TMEM132C: variants seen among roughly 807,000 people sequenced by gnomAD.
TMEM132C encodes transmembrane protein 132C, also known as protein phosphatase 1, regulatory subunit 152.
Under a neutral mutation model 61.4 loss-of-function variants are expected in TMEM132C, and 29 were observed. The observed-to-expected ratio is 0.47, with a 90% confidence interval of 0.35 to 0.64. The LOEUF (loss-of-function observed/expected upper bound fraction) is 0.64, where lower values mean the gene tolerates loss of function less well. Among genes scored for constraint, TMEM132C ranks in the 30% least tolerant of loss-of-function variants. The pLI is 0.00. For synonymous variants in TMEM132C, 656 were observed against 633.1 expected, an observed-to-expected ratio of 1.04 and a Z score of -0.54; for missense variants, 1,408 against 1,476.9, an observed-to-expected ratio of 0.95 and a Z score of 0.76.
Position 128,693,378 on chromosome 12 carries a change from G to C in TMEM132C, c.1450-451G>C, listed in dbSNP as rs558151856. On this transcript the variant is annotated intron_variant, in intron 5 of 8. Transcript: ENST00000435159. ...CACCCAGATTTCAGCTACAGCTGCA[G>C]TTCTGTACAAGTTCAAGTTCACTTT... 1.2e-4 allele frequency among the ~76,000 whole-genome samples: 18 copies of C among 152,334 alleles called. No homozygotes were observed. The South Asian group carries it at 3.7e-3, about 32-fold the overall frequency.
chr12:128,647,038 G>C (rs1255338821), intron 4 of TMEM132C, among the ~76,000 whole-genome samples: 1 of 152,134 alleles, frequency 6.6e-6, no homozygotes, highest in Non-Finnish European at 1.5e-5. Context: ...TTGGATGTGA[G>C]TGTGTTTACT....
rs759624247 is a variant in TMEM132C, at chr12:128,521,317, A to ATGTG, written c.975-22639_975-22638insGTGT. Among the ~76,000 whole-genome samples the ATGTG allele has an allele frequency of 1.6e-3, 238 of 146,288 alleles. 2 individuals carry two copies. Among genetic ancestry groups the ATGTG allele is most frequent in the African/African-American group, 5.7e-3 (226 of 39,634 alleles). On this transcript the variant is annotated intron_variant, in intron 2 of 8. Coordinates refer to ENST00000435159, the MANE Select transcript of TMEM132C (RefSeq NM_001136103.3). ...CTTCTGTATATATGTGTATATATAT[A>ATGTG]TATGTGTGTGTGTGTGTGTGTGTGT...
chr12:128,410,979 G>A (rs7311208), intron 1 of TMEM132C, among the ~76,000 whole-genome samples: 1,621 of 152,220 alleles, frequency 0.011, 32 homozygotes, highest in African/African-American at 0.036. Context: ...TTTTTGATGA[G>A]TATAGGCCAA....
At chr12:128,624,875 T>C (rs554773870) in intron 4 of TMEM132C, among the ~76,000 whole-genome samples, 1 of 152,136 alleles carries the variant, frequency 6.6e-6, no homozygotes, top group Non-Finnish European at 1.5e-5. Flanking sequence ...AATCTGTCCA[T>C]AGAGCCCCGT....
chr12:128,562,088 C>T lies in TMEM132C; in HGVS notation c.1121+17985C>T, dbSNP rs185008269. 1.6e-3 allele frequency among the ~76,000 whole-genome samples: 240 copies of T among 152,268 alleles called. 1 individual carries two copies. Among genetic ancestry groups the T allele is most frequent in the Middle Eastern group, 3.4e-3 (1 of 294 alleles). ...GCGTCTACCTTCCCACCACCATCTA[C>T]CCCAAACTACAGCCTCCGCAAAACT... On this transcript the variant is annotated intron_variant, in intron 3 of 8. Coordinates refer to ENST00000435159, the MANE Select transcript of TMEM132C (RefSeq NM_001136103.3).
intron 2 of TMEM132C, among the ~76,000 whole-genome samples, chr12:128,514,489 A>T (rs991488633): frequency 2.0e-5 from 3 of 151,636 alleles, no homozygotes; most frequent in Non-Finnish European, 4.4e-5. Context: ...TCTGATGTTC[A>T]TATGTCTGGA....
At chr12:128,693,424 A>G (rs1468566925) in intron 5 of TMEM132C, among the ~76,000 whole-genome samples, 2 of 152,174 alleles carry the variant, frequency 1.3e-5, no homozygotes, top group East Asian at 1.9e-4. Context: ...TCTCACCTCA[A>G]TCTGCTTTCT....
At chr12:128,376,935 A>G (rs899583290) in intron 1 of TMEM132C, among the ~76,000 whole-genome samples, 1 of 152,194 alleles carries the variant, frequency 6.6e-6, no homozygotes, top group Non-Finnish European at 1.5e-5. Context: ...GACTGCTGAC[A>G]TCCAGCTCTG....
chr12:128,458,069 T>TA (rs1870404343), intron 2 of TMEM132C, among the ~76,000 whole-genome samples: 1 of 151,876 alleles, frequency 6.6e-6, no homozygotes, highest in African/African-American at 2.4e-5. Context: ...AGCCTAGCAG[T>TA]GAACCCCATT....
intron 2 of TMEM132C, among the ~76,000 whole-genome samples, chr12:128,443,856 T>C (rs1021782007): frequency 1.1e-4 from 16 of 152,222 alleles, no homozygotes; most frequent in South Asian, 2.1e-4. Context: ...AGTGGGCTTC[T>C]TCCTGCCATT....
rs543778823 is a variant in TMEM132C, at chr12:128,622,807, G to C, written c.1305+6472G>C. ...TTTCAAGAGACAATGGAAAAATAAT[G>C]TTTTATTGTTTTTCAAAAACATCTC... On this transcript the variant is annotated intron_variant, in intron 4 of 8. Transcript: ENST00000435159. Among the ~76,000 whole-genome samples the C allele has an allele frequency of 1.1e-4, 16 of 152,194 alleles. No individual in the cohort carries two copies. The East Asian group carries it at 3.1e-3, about 29-fold the overall frequency.
intron 5 of TMEM132C, among the ~76,000 whole-genome samples, chr12:128,677,916 C>T (rs1418734533): frequency 6.6e-6 from 1 of 152,236 alleles, no homozygotes; most frequent in East Asian, 1.9e-4. Context: ...CCTGCGTTAG[C>T]TCCGGCACAT....
chr12:128,413,714 C>A (rs1051728132), intron 1 of TMEM132C, among the ~76,000 whole-genome samples: 5 of 151,836 alleles, frequency 3.3e-5, no homozygotes, highest in African/African-American at 9.7e-5. Context: ...TTTTAAAAAT[C>A]TTTTTCCTCA....
chr12:128,541,027 G>GTCTCTCTC lies in TMEM132C; in HGVS notation c.975-2918_975-2911dup, dbSNP rs71449354. 6.5e-3 allele frequency among the ~76,000 whole-genome samples: 966 copies of GTCTCTCTC among 149,438 alleles called. 4 individuals are homozygous for GTCTCTCTC. Among genetic ancestry groups the GTCTCTCTC allele is most frequent in the African/African-American group, 0.016 (662 of 40,782 alleles). ...TCTGTCTATCTTTCTCTCTTTCTCTGTCTCTCTCTCTCTCTCTCTGTGTGT... is the reference window on the plus strand; with the variant it reads ...TCTGTCTATCTTTCTCTCTTTCTCTGTCTCTCTCTCTCTCTCTCTCTCTCTCTGTGTGT... On this transcript the variant is annotated intron_variant, in intron 2 of 8. Transcript: ENST00000435159.
At chr12:128,607,130 G>A (rs554409698) in intron 3 of TMEM132C, among the ~76,000 whole-genome samples, 1 of 152,280 alleles carries the variant, frequency 6.6e-6, no homozygotes, top group South Asian at 2.1e-4. Flanking sequence ...CCTAAAGGAG[G>A]TTGAGAAAGC....
chr12:128,471,764 G>T (rs182917724), intron 2 of TMEM132C, among the ~76,000 whole-genome samples: 28 of 152,272 alleles, frequency 1.8e-4, no homozygotes, highest in Admixed American at 1.0e-3. Flanking sequence ...ATTCCTACCC[G>T]CTAGGGCTAT....
At chr12:128,544,965 T>C (rs1036059203) in intron 3 of TMEM132C, among the ~76,000 whole-genome samples, 1 of 152,230 alleles carries the variant, frequency 6.6e-6, no homozygotes, top group Non-Finnish European at 1.5e-5. Context: ...CCAAGTTGTT[T>C]CTAAATTTCA....
intron 2 of TMEM132C, among the ~76,000 whole-genome samples, chr12:128,421,881 C>A (rs1215740264): frequency 6.6e-6 from 1 of 152,194 alleles, no homozygotes; most frequent in African/African-American, 2.4e-5. Context: ...CTTTTTCCAT[C>A]TCTCTGTTCA....
At chr12:128,331,407 A>G (rs1436861228) in intron 1 of TMEM132C, among the ~76,000 whole-genome samples, 1 of 152,174 alleles carries the variant, frequency 6.6e-6, no homozygotes, top group Non-Finnish European at 1.5e-5. Flanking sequence ...TGTACATTGT[A>G]CCCATTAACT....
Sources: gnomAD v4.1 joint callset for allele counts (sites outside exome capture counted in the v4.1 genomes callset) on GRCh38, gnomAD v4.1.1 for gene constraint, MANE v1.5 for transcripts, NCBI Gene and HGNC (gene_info 2026-07-23, HGNC 2026-07-21) for gene names.